Variants in MRPL22 observed in about 807,000 individuals in gnomAD.
MRPL22 encodes the protein mitochondrial ribosomal protein L22.
A neutral mutation model predicts 32.4 loss-of-function variants in MRPL22; 27 were observed. The observed-to-expected ratio is 0.83, with a 90% CI of 0.61 to 1.15. The LOEUF (loss-of-function observed/expected upper bound fraction) is 1.15. MRPL22 is among the 50% of genes most tolerant of loss of function. The probability of loss-of-function intolerance (pLI) is 0.00; values close to 1 mark genes in which losing one functional copy is unlikely to be tolerated. For missense variants in MRPL22, 239 were observed against 260.2 expected, an observed-to-expected ratio of 0.92 and a Z score of 0.56; for synonymous variants, 86 against 87.3, an observed-to-expected ratio of 0.99 and a Z score of 0.08.
intron 2 of MRPL22, among the ~76,000 whole-genome samples, chr5:154,943,679 T>A (rs1051089202): frequency 1.7e-4 from 25 of 145,800 alleles, no homozygotes; most frequent in East Asian, 4.0e-4. Flanking sequence ...GATATTAAAA[T>A]TTTTTTTTTT....
At chr5:154,946,529 G>GA (rs1764493173) in intron 2 of MRPL22, among the ~76,000 whole-genome samples, 1 of 152,092 alleles carries the variant, frequency 6.6e-6, no homozygotes, top group African/African-American at 2.4e-5. Flanking sequence ...CTTAAAAAAA[G>GA]AAACACGGGT....
intron 6 of MRPL22, among the ~76,000 whole-genome samples, 179 bp downstream of exon 6, chr5:154,960,228 TAACTG>T (rs1450715840): frequency 6.6e-6 from 1 of 152,312 alleles, no homozygotes; most frequent in African/African-American, 2.4e-5. Flanking sequence ...TAAATGACAA[TAACTG>T]TACTGTTTTA....
At chr5:154,943,776 C>G (rs1464997870) in intron 2 of MRPL22, among the ~76,000 whole-genome samples, 2 of 151,836 alleles carry the variant, frequency 1.3e-5, no homozygotes, top group East Asian at 3.9e-4. Context: ...AGCCATCTTC[C>G]CAACTCAGCC....
chr5:154,944,266 ATT>A (rs1190176427), intron 2 of MRPL22, among the ~76,000 whole-genome samples: 1 of 151,014 alleles, frequency 6.6e-6, no homozygotes, highest in East Asian at 1.9e-4. Flanking sequence ...CCAAAAAAAT[ATT>A]TTTTTTTAGG....
At chr5:154,958,907 G>A (rs1351222989) in intron 5 of MRPL22, 1 of 152,126 alleles carries the variant, frequency 6.6e-6, no homozygotes, top group South Asian at 2.1e-4. Flanking sequence ...TCTATGGAGA[G>A]TAAATTTGAT....
chr5:154,958,500 G>A (rs1055332512), intron 5 of MRPL22, among the ~76,000 whole-genome samples: 18 of 146,350 alleles, frequency 1.2e-4, no homozygotes, highest in Admixed American at 7.6e-4. Flanking sequence ...ATCTTTTAAG[G>A]CGTGAAAGAT....
intron 3 of MRPL22, among the ~76,000 whole-genome samples, chr5:154,953,298 T>C (rs1258541976): frequency 3.7e-5 from 5 of 134,524 alleles, no homozygotes; most frequent in African/African-American, 1.4e-4. Flanking sequence ...GAGGTTGCAG[T>C]GAGCTGAGAT....
Position 154,957,115 on chromosome 5 carries a change from C to G in MRPL22, c.262-20C>G. On this transcript the variant is annotated intron_variant, in intron 4 of 6. Coordinates refer to ENST00000523037, the MANE Select transcript of MRPL22 (RefSeq NM_014180.4). ...TGTAAACTAATTTATTTTCTTTTGT[C>G]TCTCACCCTTTAATTCTAGATACGA... 6.3e-7 allele frequency: 1 copy of G among 1,589,472 alleles called. No individual in the cohort carries two copies. Among genetic ancestry groups the G allele is most frequent in the Non-Finnish European group, 8.6e-7 (1 of 1,159,850 alleles).
Position 154,956,427 on chromosome 5 carries a change from G to T in MRPL22, c.252G>T (p.Leu84Phe). ...IKYSKDKMWYLAKLIRGMSID... is the reference protein window; with the variant it reads ...IKYSKDKMWYFAKLIRGMSID... ...ATAGCAAAGACAAGATGTGGTATTT[G>T]GCAAAATTGGTAAGCTGCAATGACT... Residue 84 changes from leucine to phenylalanine, a missense_variant, in exon 4 of 7, where the codon TTG becomes TTT. By Grantham distance (22) the Leu-to-Phe change is conservative. Transcript: ENST00000523037. 1 of 1,604,666 alleles carries T rather than the reference G, an allele frequency of 6.2e-7. No individual in the cohort carries two copies. Among genetic ancestry groups the T allele is most frequent in the South Asian group, 1.1e-5 (1 of 90,536 alleles).
chr5:154,963,000 G>A (rs112199702), intron 6 of MRPL22, among the ~76,000 whole-genome samples: 2,016 of 152,316 alleles, frequency 0.013, 17 homozygotes, highest in Middle Eastern at 0.051. Context: ...GTGTAGTGGT[G>A]CGATCTCAGC....
chr5:154,943,345 A>G (rs995203816), intron 2 of MRPL22, among the ~76,000 whole-genome samples: 1 of 152,016 alleles, frequency 6.6e-6, no homozygotes, highest in Non-Finnish European at 1.5e-5. Context: ...TCCTGGGCTC[A>G]AGTGATCCTC....
intron 2 of MRPL22, among the ~76,000 whole-genome samples, chr5:154,945,102 C>T (rs181412584): frequency 6.6e-6 from 1 of 152,252 alleles, no homozygotes; most frequent in Admixed American, 6.5e-5. Flanking sequence ...GTGGTTCTTT[C>T]TGGCTGCTGT....
intron 6 of MRPL22, among the ~76,000 whole-genome samples, chr5:154,965,819 C>T (rs1263752009): frequency 6.6e-6 from 1 of 152,128 alleles, no homozygotes; most frequent in Non-Finnish European, 1.5e-5. Flanking sequence ...TGCCAGAGTT[C>T]CTAAAACTGG....
At position 154,960,960 on chromosome 5, in the gene MRPL22, C is replaced by T. The variant is rs533684660; in HGVS notation, c.409+911C>T. Reference sequence around the variant, plus strand: ...TATTTTAAATTCAAGATATGGGGAACATCTACTCTCCAGATGGAGGAGAAA... The same window carrying T: ...TATTTTAAATTCAAGATATGGGGAATATCTACTCTCCAGATGGAGGAGAAA... On this transcript the variant is annotated intron_variant, in intron 6 of 6. Coordinates refer to ENST00000523037, the MANE Select transcript of MRPL22 (RefSeq NM_014180.4). Among the ~76,000 whole-genome samples the T allele has an allele frequency of 1.4e-4, 22 of 152,290 alleles. No individual in the cohort carries two copies. The South Asian group carries it at 4.6e-3, about 32-fold the overall frequency.
At chr5:154,965,409 C>A (rs2113548219) in intron 6 of MRPL22, among the ~76,000 whole-genome samples, 1 of 151,740 alleles carries the variant, frequency 6.6e-6, no homozygotes, top group African/African-American at 2.4e-5. Context: ...AACAGGTGAA[C>A]AGTTCTTCTT....
At chr5:154,963,276 T>C (rs575309133) in intron 6 of MRPL22, among the ~76,000 whole-genome samples, 215 of 152,330 alleles carry the variant, frequency 1.4e-3, no homozygotes, top group African/African-American at 4.6e-3. Context: ...ATTACACCTA[T>C]TGGGTATTAT....
chr5:154,963,614 G>T lies in MRPL22; in HGVS notation c.410-3072G>T, dbSNP rs559867870. ...GAAAAAATGATATTAAGTAGCAGAT[G>T]ATGTATTTCAAAATTATTTCTGTTT... is the stretch of plus-strand genomic sequence containing the variant. On this transcript the variant is annotated intron_variant, in intron 6 of 6. Coordinates refer to ENST00000523037, the MANE Select transcript of MRPL22 (RefSeq NM_014180.4). Among the ~76,000 whole-genome samples, 115 of 152,322 alleles carry T rather than the reference G, an allele frequency of 7.5e-4. 1 individual carries two copies. The highest frequency in any genetic ancestry group is 2.6e-3 in the African/African-American group (108 of 41,572).
chr5:154,956,497 C>T (rs986481832), intron 4 of MRPL22, 61 bp downstream of exon 4: 29 of 1,052,684 alleles, frequency 2.8e-5, no homozygotes, highest in African/African-American at 8.1e-5. Context: ...ATGAGTTCCC[C>T]TCCCCACCCC....
At chr5:154,945,707 C>T (rs1006825955) in intron 2 of MRPL22, among the ~76,000 whole-genome samples, 11 of 152,112 alleles carry the variant, frequency 7.2e-5, no homozygotes, top group Admixed American at 6.6e-4. Context: ...GAAGAAAACC[C>T]CAAGTGTCCT....
Sources: gnomAD v4.1 joint callset for allele counts (sites outside exome capture counted in the v4.1 genomes callset) on GRCh38, gnomAD v4.1.1 for gene constraint, MANE v1.5 for transcripts, NCBI Gene and HGNC (gene_info 2026-07-23, HGNC 2026-07-21) for gene names.